Variants in CNTN3 observed in about 807,000 individuals in gnomAD.
The protein encoded by CNTN3 is contactin-3.
CNTN3 carries 60 observed loss-of-function variants against 119.1 expected under a neutral mutation model. The observed-to-expected ratio is 0.50, with a 90% CI of 0.41 to 0.62. CNTN3 has a LOEUF of 0.62. Ranked by LOEUF, CNTN3 falls within the 20% of genes least tolerant of loss-of-function variation. The pLI is 0.00. For synonymous variants in CNTN3, 450 were observed against 438.7 expected, an observed-to-expected ratio of 1.03 and a Z score of -0.32; for missense variants, 1,101 against 1,242.4, an observed-to-expected ratio of 0.89 and a Z score of 1.71.
At chr3:74,390,566 GGGA>G (rs1704874244) in intron 5 of CNTN3, among the ~76,000 whole-genome samples, 1 of 152,076 alleles carries the variant, frequency 6.6e-6, no homozygotes, top group Non-Finnish European at 1.5e-5. Flanking sequence ...GGCATGGGAA[GGGA>G]AAGCAGAAGT....
At chr3:74,446,736 A>AT (rs1702055452) in intron 4 of CNTN3, among the ~76,000 whole-genome samples, 3 of 145,516 alleles carry the variant, frequency 2.1e-5, no homozygotes, top group African/African-American at 5.2e-5. Flanking sequence ...TTCAAGTTAC[A>AT]TATGTGGCCC....
chr3:74,280,386 C>G (rs139993765), intron 20 of CNTN3, among the ~76,000 whole-genome samples: 1 of 152,114 alleles, frequency 6.6e-6, no homozygotes, highest in Non-Finnish European at 1.5e-5. Context: ...TCCCCTTGTT[C>G]CAGGGGAGTC....
intron 4 of CNTN3, among the ~76,000 whole-genome samples, chr3:74,457,098 T>C (rs1487495691): frequency 2.0e-5 from 3 of 152,062 alleles, no homozygotes; most frequent in South Asian, 4.1e-4. Flanking sequence ...AAAATTCAGA[T>C]TCCCATTAAT....
chr3:74,577,235 T>A (rs1704432638), intron 1 of CNTN3, among the ~76,000 whole-genome samples: 1 of 152,186 alleles, frequency 6.6e-6, no homozygotes, highest in Admixed American at 6.5e-5. Flanking sequence ...TATCAAATGC[T>A]TCCATGCACT....
chr3:74,298,208 T>C lies in CNTN3; in HGVS notation c.2167-17A>G, dbSNP rs760602617. The C allele has an allele frequency of 9.8e-6, 15 of 1,523,436 alleles. No homozygotes were observed. The highest frequency in any genetic ancestry group is 3.8e-5 in the Admixed American group (2 of 51,988). 94.4% of individuals were successfully genotyped at this position (1,523,436 alleles called of 1,614,324 possible). ...AGGGACTGGCTATAAAGGAAAGACA[T>C]ACTGAATCACCCTTACACATAAGGG... On this transcript the variant is annotated splice_polypyrimidine_tract_variant and intron_variant, in intron 17 of 22. Transcript: ENST00000263665.
chr3:74,426,773 CTG>C (rs1384578747), intron 4 of CNTN3, among the ~76,000 whole-genome samples: 1 of 152,190 alleles, frequency 6.6e-6, no homozygotes, highest in Non-Finnish European at 1.5e-5. Flanking sequence ...ATGTAACTAA[CTG>C]AGTTAGAACT....
chr3:74,547,182 G>T (rs1330488384), intron 1 of CNTN3, among the ~76,000 whole-genome samples: 2 of 152,042 alleles, frequency 1.3e-5, no homozygotes, highest in Non-Finnish European at 2.9e-5. Flanking sequence ...TACATTGAGG[G>T]TTTGTCAGTG....
intron 5 of CNTN3, among the ~76,000 whole-genome samples, chr3:74,373,897 C>T (rs1373486869): frequency 6.6e-6 from 1 of 152,094 alleles, no homozygotes; most frequent in Non-Finnish European, 1.5e-5. Context: ...TGGATATGTA[C>T]AAATCAAGGT....
chr3:74,566,651 T>A (rs551304242), intron 1 of CNTN3, among the ~76,000 whole-genome samples: 1 of 152,248 alleles, frequency 6.6e-6, no homozygotes, highest in Admixed American at 6.5e-5. Context: ...AGTCATTGGG[T>A]GTAGGGCACA....
At chr3:74,579,737 T>C (rs1157222687) in intron 1 of CNTN3, among the ~76,000 whole-genome samples, 4 of 152,016 alleles carry the variant, frequency 2.6e-5, no homozygotes, top group African/African-American at 7.2e-5. Flanking sequence ...ACACAACATA[T>C]AAAAATTGTA....
intron 2 of CNTN3, among the ~76,000 whole-genome samples, chr3:74,512,692 C>CAAAAAAGAAAAAAAAAAAAA (rs1703388056): frequency 1.2e-5 from 1 of 85,260 alleles, no homozygotes; most frequent in Non-Finnish European, 2.1e-5. Context: ...CATAATCAAG[C>CAAAAAAGAAAAAAAAAAAAA]AAAAAAAAAA....
At chr3:74,594,217 G>C (rs1481020630) in intron 1 of CNTN3, among the ~76,000 whole-genome samples, 1 of 150,556 alleles carries the variant, frequency 6.6e-6, no homozygotes, top group African/African-American at 2.4e-5. Context: ...CCAGTCTCTA[G>C]CACTATTAAA....
At chr3:74,567,527 T>C (rs1704246479) in intron 1 of CNTN3, among the ~76,000 whole-genome samples, 1 of 152,044 alleles carries the variant, frequency 6.6e-6, no homozygotes, top group Admixed American at 6.6e-5. Flanking sequence ...ACGTTTGAGT[T>C]CCTGCTGTGT....
chr3:74,440,032 G>A (rs1447188514), intron 4 of CNTN3, among the ~76,000 whole-genome samples: 3 of 152,168 alleles, frequency 2.0e-5, no homozygotes, highest in African/African-American at 7.2e-5. Flanking sequence ...ATGAGACAAA[G>A]CTTTTAAAAT....
intron 4 of CNTN3, among the ~76,000 whole-genome samples, chr3:74,434,088 C>T (rs1247828568): frequency 1.3e-5 from 2 of 152,180 alleles, no homozygotes; most frequent in African/African-American, 4.8e-5. Context: ...GAGTTCCTAA[C>T]TTTCTACTAG....
At chr3:74,431,283 C>T (rs1381308492) in intron 4 of CNTN3, among the ~76,000 whole-genome samples, 1 of 152,122 alleles carries the variant, frequency 6.6e-6, no homozygotes, top group African/African-American at 2.4e-5. Context: ...ATATTCTGTG[C>T]TCAATCTTTT....
rs189353002 is a variant in CNTN3, at chr3:74,383,453, A to G, written c.455-12054T>C. Reference sequence around the variant, plus strand: ...TTTAACCAAGGAATTCTATAATACTATATTTCAGGGCTATGCAGATCTCAG... The same window carrying G: ...TTTAACCAAGGAATTCTATAATACTGTATTTCAGGGCTATGCAGATCTCAG... On this transcript the variant is annotated intron_variant, in intron 5 of 22. Coordinates refer to ENST00000263665, the MANE Select transcript of CNTN3 (RefSeq NM_020872.3). Among the ~76,000 whole-genome samples the G allele has an allele frequency of 4.7e-4, 71 of 152,232 alleles. 2 individuals carry two copies. The highest frequency in any genetic ancestry group is 2.0e-3 in the Admixed American group (30 of 15,284).
intron 11 of CNTN3, among the ~76,000 whole-genome samples, chr3:74,340,819 T>C (rs956031673): frequency 6.6e-6 from 1 of 152,108 alleles, no homozygotes; most frequent in African/African-American, 2.4e-5. Flanking sequence ...TGACTGAACA[T>C]TATTGAACTT....
At chr3:74,439,156 C>A (rs1701919380) in intron 4 of CNTN3, among the ~76,000 whole-genome samples, 1 of 152,142 alleles carries the variant, frequency 6.6e-6, no homozygotes, top group East Asian at 1.9e-4. Context: ...GGAAAAAATG[C>A]TTCTCTAATT....
Sources: gnomAD v4.1 joint callset for allele counts (sites outside exome capture counted in the v4.1 genomes callset) on GRCh38, gnomAD v4.1.1 for gene constraint, MANE v1.5 for transcripts, NCBI Gene and HGNC (gene_info 2026-07-23, HGNC 2026-07-21) for gene names.